Variants in ZNF175 observed in about 807,000 individuals in gnomAD.
ZNF175 encodes the protein zinc finger protein OTK18.
In ZNF175, 8 loss-of-function variants were observed where a neutral mutation model predicts 14.0. The ratio of observed to expected loss-of-function variants is 0.57; its 90% confidence interval spans 0.34 to 1.03. The LOEUF is 1.03. Ranked by LOEUF, ZNF175 falls within the 50% of genes least tolerant of loss-of-function variation. The pLI is 0.03. For missense variants in ZNF175, 764 were observed against 849.5 expected (o/e 0.90, Z 1.25); for synonymous variants, 255 against 296.8 (o/e 0.86, Z 1.45).
chr19:51,581,463 A>G lies in ZNF175; in HGVS notation c.145A>G (p.Arg49Gly). ...EEWQQLDPAQ[R>G]CLYRDVMLEL... The stretch of plus-strand genomic sequence containing the variant: ...GTGGCAGCAACTGGACCCTGCCCAG[A>G]GATGCCTGTACCGGGATGTGATGCT... Residue 49 changes from arginine (R) to glycine (G), a missense_variant, in exon 3 of 5, where the codon AGA becomes GGA. Transcript: ENST00000262259. 1 of 1,614,154 alleles carries G rather than the reference A, an allele frequency of 6.2e-7. No individual in the cohort carries two copies.
chr19:51,588,406 C>T lies in ZNF175; in HGVS notation c.2075C>T (p.Thr692Ile), dbSNP rs751747055. ...TCAAACTTCAATAAACACCAAACAA[C>T]TCATACCAGAGACAAATCTTACAAA... ...NRSNFNKHQT[T>I]HTRDKSYKCS... Residue 692 changes from threonine to isoleucine, a missense_variant, in exon 5 of 5, where the codon ACT (threonine) becomes ATT (isoleucine). Thr to Ile is a moderately conservative substitution (Grantham distance 89). Transcript: ENST00000262259. 7 of 1,601,334 alleles carry T rather than the reference C, an allele frequency of 4.4e-6. No homozygotes were observed.
intron 4 of ZNF175, among the ~76,000 whole-genome samples, chr19:51,583,772 A>T (rs879075972): frequency 2.6e-5 from 4 of 152,198 alleles, no homozygotes; most frequent in African/African-American, 9.7e-5. Flanking sequence ...CAATTTAAAA[A>T]TATACCTGAA....
chr19:51,583,840 C>G (rs1982088539), intron 4 of ZNF175, among the ~76,000 whole-genome samples: 1 of 152,176 alleles, frequency 6.6e-6, no homozygotes, highest in Admixed American at 6.5e-5. Flanking sequence ...AATGTCTACT[C>G]CATAGAATGA....
At chr19:51,576,748 T>G (rs1551158) in intron 2 of ZNF175, among the ~76,000 whole-genome samples, 91,641 of 151,960 alleles carry the variant, frequency 0.6, 28,089 homozygotes, top group East Asian at 0.84. Context: ...TGGGAATTCT[T>G]TTTTTCTCTG....
chr19:51,589,673 A>T lies in ZNF175; in HGVS notation c.*1206A>T. On this transcript the variant is annotated 3_prime_UTR_variant, in exon 5 of 5. Coordinates refer to ENST00000262259, the MANE Select transcript of ZNF175 (RefSeq NM_007147.4). ...AGTCAACAAACTGTGGCCATTGGCC[A>T]AATATGGCCTCCCAACTGTTTTTTT... 1 of 672,780 alleles carries T rather than the reference A, an allele frequency of 1.5e-6. No homozygotes were observed. Among genetic ancestry groups the T allele is most frequent in the South Asian group, 1.6e-5 (1 of 61,920 alleles). The allele number at this position is 672,780 out of a possible 1,614,324, so 41.7% of individuals were successfully genotyped here.
At chr19:51,576,392 C>T (rs1600079831) in intron 2 of ZNF175, among the ~76,000 whole-genome samples, 1 of 152,244 alleles carries the variant, frequency 6.6e-6, no homozygotes, top group Non-Finnish European at 1.5e-5. Context: ...TCAGGTGATC[C>T]GCCAGCCTCG....
Position 51,589,303 on chromosome 19 carries a change from TG to T in ZNF175, c.*840del, listed in dbSNP as rs1268582379. On this transcript the variant is annotated 3_prime_UTR_variant, in exon 5 of 5. Coordinates refer to ENST00000262259, the MANE Select transcript of ZNF175 (RefSeq NM_007147.4). Reference sequence around the variant, plus strand: ...GTATGTATGTATGCCCTCAGTGCAGTGGGGTTTGCTGCAGAATTCACTGCAT... The same window carrying T: ...GTATGTATGTATGCCCTCAGTGCAGTGGGTTTGCTGCAGAATTCACTGCAT... 5 of 541,384 alleles carry T rather than the reference TG, an allele frequency of 9.2e-6. No individual in the cohort carries two copies. The highest frequency in any genetic ancestry group is 1.6e-5 in the Non-Finnish European group (5 of 306,056). 33.5% of individuals were successfully genotyped at this position (541,384 alleles called of 1,614,324 possible).
In ZNF175 at chr19:51,574,750, ATTGATG is replaced by A. The variant is rs139006297; in HGVS notation, c.72+1353_72+1358del. Among the ~76,000 whole-genome samples, 1,211 of 152,346 alleles carry A rather than the reference ATTGATG, an allele frequency of 7.9e-3. 18 individuals carry two copies. The highest frequency in any genetic ancestry group is 0.027 in the African/African-American group (1,140 of 41,582). ...ATGCACAAACGTTTCTCTCATTTGCATTGATGTTGGTCAACTTGCGTGTTCAGAACA... is the reference window on the plus strand; with the variant it reads ...ATGCACAAACGTTTCTCTCATTTGCATTGGTCAACTTGCGTGTTCAGAACA... On this transcript the variant is annotated intron_variant, in intron 2 of 4. Coordinates refer to ENST00000262259, the MANE Select transcript of ZNF175 (RefSeq NM_007147.4).
chr19:51,572,660 G>A (rs1981634697), intron 1 of ZNF175, among the ~76,000 whole-genome samples: 1 of 152,126 alleles, frequency 6.6e-6, no homozygotes, highest in Non-Finnish European at 1.5e-5. Flanking sequence ...CAGATGTGGG[G>A]CTGATTCCCT....
intron 4 of ZNF175, among the ~76,000 whole-genome samples, chr19:51,583,625 A>G (rs1982082121): frequency 6.6e-6 from 1 of 152,202 alleles, no homozygotes; most frequent in Non-Finnish European, 1.5e-5. Context: ...AGATACTGAC[A>G]GATTTTATGA....
At position 51,591,351 on chromosome 19, in the gene ZNF175, G is replaced by A. The variant is rs1982339666; in HGVS notation, c.*2884G>A. On this transcript the variant is annotated 3_prime_UTR_variant, in exon 5 of 5. Coordinates refer to ENST00000262259, the MANE Select transcript of ZNF175 (RefSeq NM_007147.4). ...AGACGGAGGAATCTGGAGTTTGGTT[G>A]GGTGATTAGCTTTGGAATTGATGGG... 1 of 152,332 alleles carries A rather than the reference G, an allele frequency of 6.6e-6. No homozygotes were observed. The highest frequency in any genetic ancestry group is 6.5e-5 in the Admixed American group (1 of 15,286). 9.4% of individuals were successfully genotyped at this position (152,332 alleles called of 1,614,324 possible). A position where few individuals can be genotyped will look rare whatever the true frequency, so the allele number is the denominator to read the frequency against.
chr19:51,592,385 T>G lies in ZNF175; in HGVS notation c.*3918T>G. The G allele has an allele frequency of 2.3e-6, 1 of 433,334 alleles. No individual in the cohort carries two copies. The allele number at this position is 433,334 out of a possible 1,614,324, so 26.8% of individuals were successfully genotyped here. ...CTCCTTTGCAGATTACATGCGTTAA[T>G]TATGTAAAGTCAAGCATTAGAATGG... is the stretch of plus-strand genomic sequence containing the variant. On this transcript the variant is annotated 3_prime_UTR_variant, in exon 5 of 5. Coordinates refer to ENST00000262259, the MANE Select transcript of ZNF175 (RefSeq NM_007147.4).
chr19:51,588,509 G>A lies in ZNF175; in HGVS notation c.*42G>A, dbSNP rs762022240. On this transcript the variant is annotated 3_prime_UTR_variant, in exon 5 of 5. Coordinates refer to ENST00000262259, the MANE Select transcript of ZNF175 (RefSeq NM_007147.4). ...CATATTCATAAATGAAATATACTCC[G>A]AGTTTCTTGAAGAAGAGAAAATCTT... is the stretch of plus-strand genomic sequence containing the variant. The A allele has an allele frequency of 1.7e-5, 26 of 1,496,772 alleles. No individual in the cohort carries two copies. The highest frequency in any genetic ancestry group is 4.7e-5 in the Admixed American group (2 of 42,168). 92.7% of individuals were successfully genotyped at this position (1,496,772 alleles called of 1,614,324 possible). A position where few individuals can be genotyped will look rare whatever the true frequency, so the allele number is the denominator to read the frequency against.
chr19:51,586,764 A>G lies in ZNF175; in HGVS notation c.433A>G (p.Thr145Ala). ...LEELRLDADR[T>A]KKDEQNQIQP... is the part of the protein sequence containing the mutation. ...AGAACTGAGGCTGGATGCTGACCGC[A>G]CAAAGAAAGATGAGCAAAATCAAAT... is the stretch of plus-strand genomic sequence containing the variant. Residue 145 changes from threonine (T) to alanine (A), a missense_variant, in exon 5 of 5, where the codon ACA (threonine) becomes GCA (alanine). Physicochemically the swap from Thr to Ala is moderately conservative, Grantham distance 58 (BLOSUM62 0). Transcript: ENST00000262259. The G allele has an allele frequency of 6.2e-7, 1 of 1,614,248 alleles. No individual in the cohort carries two copies. The highest frequency in any genetic ancestry group is 1.1e-5 in the South Asian group (1 of 91,090).
intron 2 of ZNF175, 179 bp downstream of exon 2, chr19:51,573,580 T>C: frequency 3.3e-6 from 2 of 605,276 alleles, no homozygotes; most frequent in Non-Finnish European, 5.7e-6. Flanking sequence ...ATGAACTGGC[T>C]GATAAAAGAG....
Position 51,581,373 on chromosome 19 carries a change from T to G in ZNF175, c.73-18T>G. On this transcript the variant is annotated intron_variant, in intron 2 of 4. Coordinates refer to ENST00000262259, the MANE Select transcript of ZNF175 (RefSeq NM_007147.4). ...AATGATGACCTAATTCACAGTGAGCTGGGGTACACTGTTACAGGCATCAGT... is the reference window on the plus strand; with the variant it reads ...AATGATGACCTAATTCACAGTGAGCGGGGGTACACTGTTACAGGCATCAGT... 6.2e-7 allele frequency: 1 copy of G among 1,614,176 alleles called. No homozygotes were observed. Among genetic ancestry groups the G allele is most frequent in the Non-Finnish European group, 8.5e-7 (1 of 1,180,032 alleles).
At chr19:51,584,917 G>A (rs1288752934) in intron 4 of ZNF175, among the ~76,000 whole-genome samples, 1 of 152,142 alleles carries the variant, frequency 6.6e-6, no homozygotes, top group East Asian at 1.9e-4. Context: ...ATGGAAAACA[G>A]GATGATGATT....
intron 3 of ZNF175, 78 bp downstream of exon 3, chr19:51,581,595 G>T: frequency 6.4e-7 from 1 of 1,555,598 alleles, no homozygotes; most frequent in Non-Finnish European, 8.7e-7. Flanking sequence ...GAACGCAGTG[G>T]GATATCAAAG....
intron 2 of ZNF175, among the ~76,000 whole-genome samples, chr19:51,575,866 T>G (rs1271904899): frequency 6.6e-6 from 1 of 152,234 alleles, no homozygotes; most frequent in African/African-American, 2.4e-5. Context: ...TTGCCCATCC[T>G]TCTCTAGAAC....
Sources: gnomAD v4.1 joint callset for allele counts (sites outside exome capture counted in the v4.1 genomes callset) on GRCh38, gnomAD v4.1.1 for gene constraint, MANE v1.5 for transcripts, NCBI Gene and HGNC (gene_info 2026-07-23, HGNC 2026-07-21) for gene names.